HNRNPM: variants seen among roughly 807,000 people sequenced by gnomAD.
The protein encoded by HNRNPM is CEA receptor.
A neutral mutation model predicts 73.1 loss-of-function variants in HNRNPM; 11 were observed. The observed-to-expected ratio is 0.15, with a 90% CI of 0.09 to 0.25. The LOEUF is 0.25. Among genes scored for constraint, HNRNPM ranks in the 10% least tolerant of loss-of-function variants. The pLI, the probability that HNRNPM is intolerant of heterozygous loss-of-function variation, is 1.00. For missense variants in HNRNPM, 789 were observed against 1,067.9 expected (o/e 0.74, Z 3.64); for synonymous variants, 407 against 355.2 (o/e 1.15, Z -1.64).
At chr19:8,483,636 A>G (rs962728253) in intron 13 of HNRNPM, among the ~76,000 whole-genome samples, 1 of 152,264 alleles carries the variant, frequency 6.6e-6, no homozygotes, top group African/African-American at 2.4e-5. Context: ...TGTAAAATAG[A>G]TAAATGTACT....
intron 1 of HNRNPM, 74 bp downstream of exon 1, chr19:8,445,185 G>A: frequency 8.0e-7 from 1 of 1,256,810 alleles, no homozygotes; most frequent in Non-Finnish European, 1.0e-6. Context: ...GCTCCGTTAG[G>A]TCTGTTGGCG....
chr19:8,480,240 G>T (rs1970815405), intron 12 of HNRNPM, among the ~76,000 whole-genome samples: 1 of 148,034 alleles, frequency 6.8e-6, no homozygotes, highest in Non-Finnish European at 1.5e-5. Context: ...GCCGGGCATG[G>T]TGGCGGGTGC....
chr19:8,471,174 A>G (rs1472320354), intron 9 of HNRNPM, 152 bp from the exon 10 acceptor site: 1 of 428,804 alleles, frequency 2.3e-6, no homozygotes, highest in Non-Finnish European at 4.1e-6. Context: ...AAGTGTGCCG[A>G]TGTTGAATTT....
intron 13 of HNRNPM, 105 bp downstream of exon 13, chr19:8,483,316 C>G (rs947915101): frequency 7.1e-6 from 6 of 841,502 alleles, no homozygotes; most frequent in African/African-American, 6.9e-5. Context: ...ACAGACTGCC[C>G]GGGGTGGGAG....
Position 8,487,082 on chromosome 19 carries a change from G to A in HNRNPM, c.2029+7G>A. On this transcript the variant is annotated splice_region_variant and intron_variant, in intron 15 of 15. Transcript: ENST00000325495. The stretch of plus-strand genomic sequence containing the variant: ...GACAAATTCAACGAGTGCGGTAAGT[G>A]TTGGGAACGGCTTTGTAGGTGCTTC... 1 of 1,612,114 alleles carries A rather than the reference G, an allele frequency of 6.2e-7. No individual in the cohort carries two copies. The highest frequency in any genetic ancestry group is 8.5e-7 in the Non-Finnish European group (1 of 1,178,122).
intron 1 of HNRNPM, among the ~76,000 whole-genome samples, chr19:8,450,597 A>G (rs761701638): frequency 8.6e-5 from 13 of 152,040 alleles, no homozygotes; most frequent in African/African-American, 3.1e-4. Context: ...AGATGGTGTT[A>G]TACCATGTTG....
At chr19:8,466,828 CAAAAAAA>C (rs61362863) in intron 7 of HNRNPM, among the ~76,000 whole-genome samples, 8 of 56,490 alleles carry the variant, frequency 1.4e-4, no homozygotes, top group East Asian at 1.7e-3. Flanking sequence ...GACTCAGTCT[CAAAAAAA>C]AAAAAAAAAA....
At chr19:8,467,341 T>G (rs1215314468) in intron 7 of HNRNPM, among the ~76,000 whole-genome samples, 194 bp from the exon 8 acceptor site, 1 of 152,210 alleles carries the variant, frequency 6.6e-6, no homozygotes, top group Non-Finnish European at 1.5e-5. Context: ...AAGCGGAAGT[T>G]GTCTTGTCCT....
chr19:8,450,878 C>T (rs1009400066), intron 1 of HNRNPM, among the ~76,000 whole-genome samples: 5 of 150,044 alleles, frequency 3.3e-5, no homozygotes, highest in African/African-American at 7.4e-5. Context: ...TACAGGCACC[C>T]GCCACCATGC....
intron 9 of HNRNPM, among the ~76,000 whole-genome samples, chr19:8,470,113 G>C (rs543809996): frequency 6.6e-6 from 1 of 152,202 alleles, no homozygotes; most frequent in Non-Finnish European, 1.5e-5. Context: ...ACTGCTCCAG[G>C]GAGCCTGTTA....
In HNRNPM at chr19:8,471,367, C is replaced by A; in HGVS notation, c.937C>A (p.Gln313Lys). 6.2e-7 allele frequency: 1 copy of A among 1,608,110 alleles called. No individual in the cohort carries two copies. The highest frequency in any genetic ancestry group is 1.1e-5 in the South Asian group (1 of 90,088). ...TGGCATGGGGTTAGGACCAGGAGGGCAACCCATTGATGCCAATCACCTGAA... is the reference window on the plus strand; with the variant it reads ...TGGCATGGGGTTAGGACCAGGAGGGAAACCCATTGATGCCAATCACCTGAA... ...GIGMGLGPGG[Q>K]PIDANHLNKG... The change falls in exon 10 of 16, where the codon CAA becomes AAA. Residue 313 changes from glutamine to lysine, a missense_variant. Transcript: ENST00000325495.
intron 1 of HNRNPM, among the ~76,000 whole-genome samples, chr19:8,447,920 G>T (rs1160946020): frequency 6.6e-6 from 1 of 152,084 alleles, no homozygotes; most frequent in Non-Finnish European, 1.5e-5. Flanking sequence ...CAGCCACTGG[G>T]GAGGCTGAGG....
chr19:8,455,751 T>G (rs368853965), intron 2 of HNRNPM, among the ~76,000 whole-genome samples, 177 bp downstream of exon 2: 5,258 of 150,098 alleles, frequency 0.035, 199 homozygotes, highest in African/African-American at 0.089. Context: ...TTGTGTTTTT[T>G]TTTTGTTTTG....
chr19:8,447,589 G>A (rs182086462), intron 1 of HNRNPM, among the ~76,000 whole-genome samples: 8 of 152,140 alleles, frequency 5.3e-5, no homozygotes, highest in Admixed American at 3.3e-4. Context: ...ATGCTTTATC[G>A]AGAACTGAAG....
At chr19:8,445,529 G>T (rs7245737) in intron 1 of HNRNPM, 9,292 of 155,356 alleles carry the variant, frequency 0.06, 599 homozygotes, top group African/African-American at 0.16. Flanking sequence ...TCCGTAACGT[G>T]GGGGGAGGAG....
At chr19:8,460,986 CGCTTTGTACAACTGTCCCTTG>C (rs1309330878) in intron 2 of HNRNPM, among the ~76,000 whole-genome samples, 1 of 152,166 alleles carries the variant, frequency 6.6e-6, no homozygotes, top group Middle Eastern at 3.2e-3. Flanking sequence ...TAAATAAAGC[CGCTTTGTACAACTGTCCCTTG>C]GCTGTGATCA....
At chr19:8,468,686 C>G (rs1451917381) in intron 8 of HNRNPM, 88 bp from the exon 9 acceptor site, 2 of 975,064 alleles carry the variant, frequency 2.1e-6, no homozygotes, top group African/African-American at 1.6e-5. Context: ...AGCTGGTCCT[C>G]TCTTGATGGG....
rs1006255972 is a variant in HNRNPM at position 8,462,715 on chromosome 19, A to C, written c.336+134A>C. On this transcript the variant is annotated intron_variant, in intron 3 of 15. Coordinates refer to ENST00000325495, the MANE Select transcript of HNRNPM (RefSeq NM_005968.5). The surrounding 1 kb of genome is among the most constrained non-coding windows in gnomAD (Gnocchi z 4.5). ...GTAGCTATGTTTGATTTTGCCAAACATTTGAGTGGGGTGGGAGGGGATTTG... is the reference window on the plus strand; with the variant it reads ...GTAGCTATGTTTGATTTTGCCAAACCTTTGAGTGGGGTGGGAGGGGATTTG... 5 of 781,602 alleles carry C rather than the reference A, an allele frequency of 6.4e-6. No homozygotes were observed. The highest frequency in any genetic ancestry group is 5.1e-5 in the African/African-American group (3 of 58,312). 48.4% of individuals were successfully genotyped at this position (781,602 alleles called of 1,614,324 possible).
At chr19:8,486,956 C>G in intron 14 of HNRNPM, 68 bp from the exon 15 acceptor site, 1 of 1,256,114 alleles carries the variant, frequency 8.0e-7, no homozygotes, top group Non-Finnish European at 1.2e-6. Flanking sequence ...CCCTCAGAGC[C>G]AGCTGCAAGG....
Sources: allele counts gnomAD v4.1 joint callset (sites outside exome capture counted in the v4.1 genomes callset), GRCh38; gene constraint gnomAD v4.1.1; non-coding constraint Gnocchi (gnomAD v3.1); transcripts MANE v1.5; gene names NCBI Gene and HGNC (gene_info 2026-07-23, HGNC 2026-07-21).